RGPD6: variants seen among roughly 807,000 people sequenced by gnomAD.
RGPD6 encodes the protein RANBP2 like and GRIP domain containing 6.
At chr2:110,576,903 C>T (rs775215276) in intron 1 of RGPD6, 50 bp downstream of exon 1, 22 of 1,112,472 alleles carry the variant, frequency 2.0e-5, no homozygotes, top group South Asian at 7.2e-5. Context: ...CCCCCCCCTC[C>T]CCCCCCGGCC....
chr2:110,603,867 A>C, the RGPD6 span, among the ~76,000 whole-genome samples: 1 of 149,760 alleles, frequency 6.7e-6, no homozygotes, highest in Non-Finnish European at 1.5e-5. Context: ...CCCCTATCAT[A>C]TCCCGGGTGG....
At chr2:110,607,647 A>G in the RGPD6 span, among the ~76,000 whole-genome samples, 3,810 of 147,872 alleles carry the variant, frequency 0.026, 78 homozygotes, top group Non-Finnish European at 0.037. Context: ...GTCACCACTA[A>G]TAAATTCCAA....
At chr2:110,605,283 GC>G in the RGPD6 span, among the ~76,000 whole-genome samples, 1 of 151,626 alleles carries the variant, frequency 6.6e-6, no homozygotes, top group Non-Finnish European at 1.5e-5. Flanking sequence ...TACTGAGAAG[GC>G]TTTGCCTCCT....
chr2:110,610,618 G>GCCGC, the RGPD6 span, among the ~76,000 whole-genome samples: 1 of 138,076 alleles, frequency 7.2e-6, no homozygotes, highest in Non-Finnish European at 1.6e-5. Flanking sequence ...ACGGCGGCCG[G>GCCGC]CCGCCCGGAG....
At chr2:110,601,350 G>A in the RGPD6 span, among the ~76,000 whole-genome samples, 4 of 147,100 alleles carry the variant, frequency 2.7e-5, no homozygotes, top group South Asian at 4.6e-4. Flanking sequence ...CTATTCTTAA[G>A]GAACTCCTGA....
the RGPD6 span, among the ~76,000 whole-genome samples, chr2:110,590,787 C>CA: frequency 1.3e-5 from 2 of 152,088 alleles, no homozygotes; most frequent in African/African-American, 2.4e-5. Flanking sequence ...GTAACAGTAC[C>CA]AAAAAGCACT....
chr2:110,593,048 T>C, the RGPD6 span, among the ~76,000 whole-genome samples: 2 of 147,990 alleles, frequency 1.4e-5, no homozygotes, highest in Non-Finnish European at 2.9e-5. Context: ...GTTGAGATAA[T>C]AGAAAAGCTA....
the RGPD6 span, among the ~76,000 whole-genome samples, chr2:110,600,020 C>T: frequency 2.6e-5 from 4 of 152,002 alleles, no homozygotes; most frequent in East Asian, 1.9e-4. Flanking sequence ...CTCTCCTGCA[C>T]GTAGACATGC....
the RGPD6 span, among the ~76,000 whole-genome samples, chr2:110,594,205 T>C: frequency 1.4e-5 from 2 of 147,180 alleles, no homozygotes; most frequent in East Asian, 3.9e-4. Flanking sequence ...AGAAAAGACT[T>C]TGACAAAAAT....
the RGPD6 span, among the ~76,000 whole-genome samples, chr2:110,599,809 T>G: frequency 9.9e-6 from 1 of 100,566 alleles, no homozygotes; most frequent in Non-Finnish European, 2.2e-5. Flanking sequence ...CAACATACCC[T>G]ACTTCCTTTC....
the RGPD6 span, among the ~76,000 whole-genome samples, chr2:110,596,836 T>C: frequency 1.5e-5 from 2 of 135,164 alleles, no homozygotes; most frequent in Non-Finnish European, 3.1e-5. Context: ...TACTATTCAT[T>C]CTGAGTTTGA....
chr2:110,604,463 T>C, the RGPD6 span, among the ~76,000 whole-genome samples: 2 of 140,578 alleles, frequency 1.4e-5, no homozygotes, highest in Middle Eastern at 7.4e-3. Context: ...AATCATGAGC[T>C]GCCCAGGGCC....
chr2:110,605,525 ATGTTT>A, the RGPD6 span, among the ~76,000 whole-genome samples: 2 of 151,170 alleles, frequency 1.3e-5, no homozygotes, highest in Admixed American at 1.3e-4. Context: ...AGGCCTTAAA[ATGTTT>A]GCTTTACTGC....
At chr2:110,603,893 C>T in the RGPD6 span, among the ~76,000 whole-genome samples, 1 of 149,460 alleles carries the variant, frequency 6.7e-6, no homozygotes. Flanking sequence ...TCCTTAGATT[C>T]AACCCATTTA....
At chr2:110,593,129 T>C in the RGPD6 span, among the ~76,000 whole-genome samples, 3 of 148,186 alleles carry the variant, frequency 2.0e-5, no homozygotes, top group African/African-American at 7.8e-5. Flanking sequence ...TTCTATCTGT[T>C]ATGCCATTTA....
the RGPD6 span, among the ~76,000 whole-genome samples, chr2:110,605,899 C>T: frequency 1.3e-5 from 2 of 151,364 alleles, no homozygotes; most frequent in Admixed American, 6.6e-5. Context: ...AAATGCCACC[C>T]CACCATGAAT....
the RGPD6 span, among the ~76,000 whole-genome samples, chr2:110,591,340 A>G: frequency 5.8e-5 from 8 of 138,360 alleles, no homozygotes; most frequent in Non-Finnish European, 1.2e-4. Context: ...TGAACAGACT[A>G]ACTATGATTT....
chr2:110,601,365 C>T, the RGPD6 span, among the ~76,000 whole-genome samples: 3 of 147,926 alleles, frequency 2.0e-5, no homozygotes, highest in Admixed American at 6.8e-5. Flanking sequence ...TCCTGAATGT[C>T]GCTTCTTGGG....
the RGPD6 span, among the ~76,000 whole-genome samples, chr2:110,604,812 T>C: frequency 6.8e-6 from 1 of 148,134 alleles, no homozygotes; most frequent in Non-Finnish European, 1.5e-5. Flanking sequence ...CCAAAGGTCT[T>C]CGTTCAAGTT....
Sources: gnomAD v4.1 joint callset for allele counts (sites outside exome capture counted in the v4.1 genomes callset) on GRCh38, gnomAD v4.1.1 for gene constraint, MANE v1.5 for transcripts, NCBI Gene and HGNC (gene_info 2026-07-23, HGNC 2026-07-21) for gene names.